TRAF3IP1: variants seen among roughly 807,000 people sequenced by gnomAD.
TRAF3IP1 encodes intraflagellar transport 54.
Under a neutral mutation model 89.9 loss-of-function variants are expected in TRAF3IP1, and 53 were observed. The observed-to-expected ratio is 0.59, with a 90% CI of 0.47 to 0.74. The LOEUF (loss-of-function observed/expected upper bound fraction) is 0.74. TRAF3IP1 is among the 30% of genes least tolerant of loss of function. The pLI is 0.00. For synonymous variants in TRAF3IP1, 311 were observed against 322.1 expected (o/e 0.97, Z 0.37); for missense variants, 806 against 866.1 (o/e 0.93, Z 0.87).
intron 11 of TRAF3IP1, 86 bp downstream of exon 11, chr2:238,348,934 AT>A: frequency 8.5e-7 from 1 of 1,180,694 alleles, no homozygotes; most frequent in Non-Finnish European, 1.2e-6. Flanking sequence ...GCTGCTATTT[AT>A]TTAGTGCTTG....
chr2:238,369,555 T>C (rs1700019728), intron 15 of TRAF3IP1, among the ~76,000 whole-genome samples: 1 of 152,166 alleles, frequency 6.6e-6, no homozygotes, highest in South Asian at 2.1e-4. Context: ...TTTGGGTTTG[T>C]GTGGTGTTTC....
intron 15 of TRAF3IP1, among the ~76,000 whole-genome samples, chr2:238,361,478 G>A (rs1354097889): frequency 2.0e-5 from 3 of 152,022 alleles, no homozygotes; most frequent in Non-Finnish European, 2.9e-5. Flanking sequence ...GGTTGTAAAG[G>A]TAGTCTCTAG....
rs1406208996 is a variant in TRAF3IP1, at chr2:238,325,390, G to A, written c.192+16G>A. 1 of 1,613,862 alleles carries A rather than the reference G, an allele frequency of 6.2e-7. No individual in the cohort carries two copies. Among genetic ancestry groups the A allele is most frequent in the Non-Finnish European group, 8.5e-7 (1 of 1,179,948 alleles). On this transcript the variant is annotated intron_variant, in intron 2 of 16. Transcript: ENST00000373327. ...TAATGTGAAGGTGGGTTTGAGTCGG[G>A]CTTCTCCTATTGACTCCTCGCCTTA... is the stretch of plus-strand genomic sequence containing the variant.
Position 238,352,821 on chromosome 2 carries a change from A to G in TRAF3IP1, c.1452-6A>G. On this transcript the variant is annotated splice_region_variant and splice_polypyrimidine_tract_variant and intron_variant, in intron 12 of 16. Transcript: ENST00000373327. The stretch of plus-strand genomic sequence containing the variant: ...TTCTAATTTAATCTAATTTCTTTTT[A>G]TTTAGGTCAGGGAGTGGTAAAACCG... 5.6e-6 allele frequency: 9 copies of G among 1,593,564 alleles called. No homozygotes were observed. Among genetic ancestry groups the G allele is most frequent in the Non-Finnish European group, 7.7e-6 (9 of 1,173,586 alleles).
intron 11 of TRAF3IP1, 78 bp from the exon 12 acceptor site, chr2:238,349,247 C>T: frequency 7.4e-7 from 1 of 1,348,308 alleles, no homozygotes; most frequent in Non-Finnish European, 1.0e-6. Context: ...AGTTAACATT[C>T]ACCTGGGCTT....
Position 238,325,849 on chromosome 2 carries a change from A to G in TRAF3IP1, c.233A>G (p.Asp78Gly). 1 of 1,614,198 alleles carries G rather than the reference A, an allele frequency of 6.2e-7. No individual in the cohort carries two copies. The highest frequency in any genetic ancestry group is 8.5e-7 in the Non-Finnish European group (1 of 1,180,022). Residue 78 changes from aspartate (D) to glycine (G), a missense_variant, in exon 3 of 17, where the codon GAC (aspartate) becomes GGC (glycine). Physicochemically the swap from Asp to Gly is moderately conservative, Grantham distance 94. Around this residue, in one of 3 missense-constraint regions of TRAF3IP1, gnomAD observed 732 missense variants for 780.5 expected, o/e 0.94. Coordinates refer to ENST00000373327, the MANE Select transcript of TRAF3IP1 (RefSeq NM_015650.4). ...AKISFLQKAI[D>G]VVVMVSGEPL... is the part of the protein sequence containing the mutation. ...ATTAGCTTCCTACAAAAGGCCATAGACGTGGTTGTAATGGTGTCGGGAGAG... is the reference window on the plus strand; with the variant it reads ...ATTAGCTTCCTACAAAAGGCCATAGGCGTGGTTGTAATGGTGTCGGGAGAG...
intron 5 of TRAF3IP1, among the ~76,000 whole-genome samples, chr2:238,330,879 A>G (rs954219134): frequency 6.6e-6 from 1 of 152,204 alleles, no homozygotes; most frequent in African/African-American, 2.4e-5. Context: ...AATGTACCCT[A>G]TGATATGTGT....
Position 238,344,492 on chromosome 2 carries a change from G to A in TRAF3IP1, c.1160-5G>A. 2 of 1,612,788 alleles carry A rather than the reference G, an allele frequency of 1.2e-6. No homozygotes were observed. Among genetic ancestry groups the A allele is most frequent in the Non-Finnish European group, 1.7e-6 (2 of 1,178,762 alleles). The stretch of plus-strand genomic sequence containing the variant: ...AATGACTAATTTTAAACTGTTTTAT[G>A]TCAGGAACAAAAGAAGCTAATATTA... On this transcript the variant is annotated splice_region_variant and splice_polypyrimidine_tract_variant and intron_variant, in intron 8 of 16. Coordinates refer to ENST00000373327, the MANE Select transcript of TRAF3IP1 (RefSeq NM_015650.4).
chr2:238,392,489 A>G (rs918984231), intron 15 of TRAF3IP1, among the ~76,000 whole-genome samples: 1 of 152,102 alleles, frequency 6.6e-6, no homozygotes. Context: ...GGAATCCTAC[A>G]GCATGTAACC....
Position 238,379,720 on chromosome 2 carries a change from T to G in TRAF3IP1, c.1690-17739T>G, listed in dbSNP as rs1255529262. Among the ~76,000 whole-genome samples, 1 of 152,206 alleles carries G rather than the reference T, an allele frequency of 6.6e-6. No individual in the cohort carries two copies. Among genetic ancestry groups the G allele is most frequent in the Non-Finnish European group, 1.5e-5 (1 of 68,032 alleles). ...CTCTTGTTGCCCAGTAACTACCTTTTATAGCTGGTATTTTTGGAGTGATTA... is the reference window on the plus strand; with the variant it reads ...CTCTTGTTGCCCAGTAACTACCTTTGATAGCTGGTATTTTTGGAGTGATTA... On this transcript the variant is annotated intron_variant, in intron 15 of 16. Transcript: ENST00000373327. This position sits in a 1 kb window ranked among gnomAD's most constrained non-coding sequence, Gnocchi z 4.0.
intron 12 of TRAF3IP1, among the ~76,000 whole-genome samples, chr2:238,352,477 C>T (rs1699216358): frequency 1.3e-5 from 2 of 152,096 alleles, no homozygotes. Flanking sequence ...TCACTGAGAG[C>T]GCAGTCAGGG....
In TRAF3IP1 at chr2:238,384,720, C is replaced by G. The variant is rs112722663; in HGVS notation, c.1690-12739C>G. On this transcript the variant is annotated intron_variant, in intron 15 of 16. Coordinates refer to ENST00000373327, the MANE Select transcript of TRAF3IP1 (RefSeq NM_015650.4). ...AAAAGGATTACAGAATCCTAAAACT[C>G]TATGGCTAGAATGGAGTTTAGAGAT... Among the ~76,000 whole-genome samples the G allele has an allele frequency of 3.4e-3, 513 of 151,962 alleles. 2 individuals carry two copies. The highest frequency in any genetic ancestry group is 0.027 in the Middle Eastern group (8 of 294).
chr2:238,327,124 C>A (rs908395488), intron 3 of TRAF3IP1, among the ~76,000 whole-genome samples: 1 of 152,212 alleles, frequency 6.6e-6, no homozygotes, highest in Non-Finnish European at 1.5e-5. Context: ...CATATCTGAG[C>A]CCTCCATTCC....
intron 15 of TRAF3IP1, among the ~76,000 whole-genome samples, chr2:238,394,390 T>C (rs1340254932): frequency 1.3e-5 from 2 of 152,242 alleles, no homozygotes; most frequent in Middle Eastern, 6.3e-3. Context: ...TTCATGTCTT[T>C]ACTGTGTCCT....
chr2:238,392,577 T>A (rs1156345032), intron 15 of TRAF3IP1, among the ~76,000 whole-genome samples: 1 of 45,014 alleles, frequency 2.2e-5, no homozygotes, highest in Non-Finnish European at 4.0e-5. Context: ...TCTGTTCCTT[T>A]TTTTTTTTTC....
chr2:238,394,581 A>G (rs1180197007), intron 15 of TRAF3IP1, among the ~76,000 whole-genome samples: 1 of 152,188 alleles, frequency 6.6e-6, no homozygotes, highest in South Asian at 2.1e-4. Context: ...TGCAGTGTCC[A>G]TGTTTTCATT....
chr2:238,331,729 G>A (rs13424837), intron 5 of TRAF3IP1, among the ~76,000 whole-genome samples: 17,751 of 152,132 alleles, frequency 0.12, 1,763 homozygotes, highest in African/African-American at 0.27. Context: ...AGGCAGCTGC[G>A]TCCTTTCCTC....
At chr2:238,384,265 TG>T (rs1401909625) in intron 15 of TRAF3IP1, among the ~76,000 whole-genome samples, 1 of 152,196 alleles carries the variant, frequency 6.6e-6, no homozygotes, top group Non-Finnish European at 1.5e-5. Context: ...CAGTTGCCTC[TG>T]ATCTTTTGTT....
At chr2:238,340,833 G>GTGTGTA (rs376836335) in intron 8 of TRAF3IP1, among the ~76,000 whole-genome samples, 1 of 70,892 alleles carries the variant, frequency 1.4e-5, no homozygotes, top group African/African-American at 4.1e-5. Flanking sequence ...GTGTGTGTGT[G>GTGTGTA]TATATATATA....
Sources: allele counts gnomAD v4.1 joint callset (sites outside exome capture counted in the v4.1 genomes callset), GRCh38; gene constraint gnomAD v4.1.1; regional missense constraint gnomAD v4.1.1; non-coding constraint Gnocchi (gnomAD v3.1); transcripts MANE v1.5; gene names NCBI Gene and HGNC (gene_info 2026-07-23, HGNC 2026-07-21).